Variants in NHSL2 observed in about 807,000 individuals in gnomAD.
NHSL2 encodes the protein NHS like 2.
Under a neutral mutation model 53.4 loss-of-function variants are expected in NHSL2, and 27 were observed. That is an observed-to-expected ratio of 0.51 (90% CI 0.37 to 0.70). NHSL2 has a LOEUF of 0.70. Ranked by LOEUF, NHSL2 falls within the 30% of genes least tolerant of loss-of-function variation. NHSL2 has a pLI of 0.00. For synonymous variants in NHSL2, 408 were observed against 404.1 expected (o/e 1.01, Z -0.12); for missense variants, 892 against 980.1 (o/e 0.91, Z 1.20).
chrX:72,080,497 TG>T (rs1418785270), intron 1 of NHSL2, among the ~76,000 whole-genome samples: 1 of 110,200 alleles, frequency 9.1e-6, no homozygotes, highest in Non-Finnish European at 1.9e-5. Context: ...GAAGACAGGG[TG>T]GATGTGATCA....
intron 1 of NHSL2, among the ~76,000 whole-genome samples, chrX:71,936,131 C>G (rs866628652): frequency 8.9e-6 from 1 of 111,741 alleles, no homozygotes; most frequent in East Asian, 2.8e-4. Flanking sequence ...GTGATTTGCC[C>G]GAGGCCACAC....
At chrX:72,122,218 C>T (rs1306053551) in intron 1 of NHSL2, among the ~76,000 whole-genome samples, 2 of 112,068 alleles carry the variant, frequency 1.8e-5, no homozygotes, top group African/African-American at 6.5e-5. Flanking sequence ...AAGACCCTGC[C>T]CTGGATCTTG....
chrX:71,926,484 A>G (rs1016336506), intron 1 of NHSL2, among the ~76,000 whole-genome samples: 1 of 110,545 alleles, frequency 9.0e-6, no homozygotes, highest in Non-Finnish European at 1.9e-5. Flanking sequence ...CACACTTTGA[A>G]CAAAACATTG....
intron 1 of NHSL2, among the ~76,000 whole-genome samples, chrX:71,970,166 T>C (rs1382134108): frequency 8.9e-6 from 1 of 112,078 alleles, no homozygotes; most frequent in Admixed American, 9.5e-5. Context: ...TAGTGTTTTG[T>C]TGAGGACTTT....
At position 72,124,876 on chromosome X, in the gene NHSL2, T is replaced by TCTTC. The variant is rs747463052; in HGVS notation, c.281-7183_281-7180dup. Among the ~76,000 whole-genome samples the TCTTC allele has an allele frequency of 1.3e-3, 144 of 111,299 alleles. 2 individuals carry two copies. The highest frequency in any genetic ancestry group is 8.5e-4 in the Admixed American group (9 of 10,603). On this transcript the variant is annotated intron_variant, in intron 1 of 7. Coordinates refer to ENST00000633930, the MANE Select transcript of NHSL2 (RefSeq NM_001013627.3). ...CGCCATCCTTGTCACCCTTCTACTG[T>TCTTC]CTTCCTTCCTTCCTTCCTTCCTTTT... is the stretch of plus-strand genomic sequence containing the variant.
chrX:71,926,171 A>AT (rs1172640481), intron 1 of NHSL2, among the ~76,000 whole-genome samples: 3 of 112,357 alleles, frequency 2.7e-5, no homozygotes, highest in African/African-American at 6.5e-5. Flanking sequence ...TACATTTGTT[A>AT]TCTCATGTGA....
At chrX:71,972,756 T>C (rs1376380475) in intron 1 of NHSL2, among the ~76,000 whole-genome samples, 2 of 111,707 alleles carry the variant, frequency 1.8e-5, no homozygotes, top group Non-Finnish European at 3.8e-5. Flanking sequence ...CCACTATGTA[T>C]GTAATATGTT....
chrX:72,068,284 T>G (rs1454959003), intron 1 of NHSL2, among the ~76,000 whole-genome samples: 1 of 112,116 alleles, frequency 8.9e-6, no homozygotes, highest in Non-Finnish European at 1.9e-5. Flanking sequence ...TGATCCCACT[T>G]TAGATCTCTT....
intron 1 of NHSL2, among the ~76,000 whole-genome samples, chrX:72,111,209 G>A (rs186921726): frequency 2.7e-5 from 3 of 112,486 alleles, no homozygotes; most frequent in African/African-American, 9.7e-5. Flanking sequence ...GTGGACTTGT[G>A]CAGGGTGGCT....
chrX:72,050,761 C>T (rs1437877168), intron 1 of NHSL2, among the ~76,000 whole-genome samples: 10 of 110,381 alleles, frequency 9.1e-5, no homozygotes, highest in Non-Finnish European at 1.5e-4. Context: ...TGGTGTCACA[C>T]GCCTGTAATC....
At chrX:72,050,274 G>C (rs2042332426) in intron 1 of NHSL2, among the ~76,000 whole-genome samples, 1 of 111,121 alleles carries the variant, frequency 9.0e-6, no homozygotes, top group South Asian at 3.9e-4. Context: ...GGCGGGTAGG[G>C]GCAAGGGTGG....
intron 1 of NHSL2, among the ~76,000 whole-genome samples, chrX:72,060,447 C>T (rs1052938271): frequency 1.8e-5 from 2 of 112,731 alleles, no homozygotes; most frequent in African/African-American, 6.5e-5. Flanking sequence ...TACTTGCCCT[C>T]TCTGGGCTTT....
Position 72,139,003 on chromosome X carries a change from G to A in NHSL2, c.1455G>A (p.Glu485=). The change falls in exon 6 of 8, where the codon GAG becomes GAA. Residue 485 remains glutamate (E), a synonymous_variant. Transcript: ENST00000633930. Reference sequence around the variant, plus strand: ...TGACCAGTGGGACCTCGAGGCTGGAGACAGGCCCCGGTGGGGCCAGCAGAT... The same window carrying A: ...TGACCAGTGGGACCTCGAGGCTGGAAACAGGCCCCGGTGGGGCCAGCAGAT... ...GLLTSGTSRL[E]TGPGGASRFR... is the part of the protein sequence containing the mutation. 1 of 1,182,783 alleles carries A rather than the reference G, an allele frequency of 8.5e-7. No individual in the cohort carries two copies. The highest frequency in any genetic ancestry group is 1.1e-6 in the Non-Finnish European group (1 of 880,605).
intron 2 of NHSL2, 120 bp downstream of exon 2, chrX:72,132,354 A>C: frequency 1.5e-6 from 1 of 671,201 alleles, no homozygotes; most frequent in Non-Finnish European, 2.2e-6. Context: ...TTTAAAAACA[A>C]TCGACAAAGC....
rs1356925510 is a variant in NHSL2, at chrX:72,140,069, C to T, written c.2521C>T (p.Pro841Ser). 5.0e-6 allele frequency: 6 copies of T among 1,206,979 alleles called. No individual in the cohort carries two copies. Among genetic ancestry groups the T allele is most frequent in the Non-Finnish European group, 6.7e-6 (6 of 893,401 alleles). Residue 841 changes from proline to serine, a missense_variant, in exon 6 of 8, where the codon CCG becomes TCG. By Grantham distance (74) the Pro-to-Ser change is moderately conservative (BLOSUM62 -1). Coordinates refer to ENST00000633930, the MANE Select transcript of NHSL2 (RefSeq NM_001013627.3). ...CCTGAGGTCGGTCAGCAAGTCTGAG[C>T]CGGAAGATGATATTGAGAGCCCTGA... Reference protein sequence around the residue: ...VRLRSVSKSEPEDDIESPEYA... With the variant: ...VRLRSVSKSESEDDIESPEYA...
chrX:72,032,228 C>CA (rs751656694), intron 1 of NHSL2, among the ~76,000 whole-genome samples: 4 of 110,988 alleles, frequency 3.6e-5, no homozygotes, highest in Non-Finnish European at 5.7e-5. Flanking sequence ...CCCATCTCTA[C>CA]AAAAAAATAT....
chrX:72,028,867 G>A (rs979182257), intron 1 of NHSL2, among the ~76,000 whole-genome samples: 1 of 112,346 alleles, frequency 8.9e-6, no homozygotes, highest in Non-Finnish European at 1.9e-5. Context: ...CCCCTGGTTG[G>A]GTCCTCAGCA....
chrX:71,913,567 G>T (rs144972232), intron 1 of NHSL2, among the ~76,000 whole-genome samples: 1 of 112,300 alleles, frequency 8.9e-6, no homozygotes, highest in Non-Finnish European at 1.9e-5. Context: ...TTTGCTGGGG[G>T]TCAGCATTTT....
intron 1 of NHSL2, among the ~76,000 whole-genome samples, chrX:71,919,102 T>C (rs1243758118): frequency 8.9e-6 from 1 of 112,127 alleles, no homozygotes; most frequent in African/African-American, 3.2e-5. Flanking sequence ...TGGGGATGAG[T>C]GGTAGTATTT....
Sources: gnomAD v4.1 joint callset for allele counts (sites outside exome capture counted in the v4.1 genomes callset) on GRCh38, gnomAD v4.1.1 for gene constraint, MANE v1.5 for transcripts, NCBI Gene and HGNC (gene_info 2026-07-23, HGNC 2026-07-21) for gene names.